ADGRG7: variants seen among roughly 807,000 people sequenced by gnomAD.
ADGRG7 encodes G-protein coupled receptor 128.
In ADGRG7, 82 loss-of-function variants were observed where a neutral mutation model predicts 88.6. That is an observed-to-expected ratio of 0.93 (90% CI 0.77 to 1.11). The LOEUF is 1.11. Ranked by LOEUF, ADGRG7 falls within the 50% of genes most tolerant of loss-of-function variation. The pLI is 0.00. For synonymous variants in ADGRG7, 381 were observed against 345.2 expected, an observed-to-expected ratio of 1.10 and a Z score of -1.15; for missense variants, 945 against 953.4, an observed-to-expected ratio of 0.99 and a Z score of 0.12.
intron 5 of ADGRG7, among the ~76,000 whole-genome samples, chr3:100,636,542 C>A (rs1707544411): frequency 6.6e-6 from 1 of 152,042 alleles, no homozygotes; most frequent in African/African-American, 2.4e-5. Flanking sequence ...TCAAACAGGG[C>A]TACAAACCAC....
intron 15 of ADGRG7, among the ~76,000 whole-genome samples, chr3:100,673,019 T>TG (rs2094960611): frequency 6.6e-6 from 1 of 152,080 alleles, no homozygotes; most frequent in African/African-American, 2.4e-5. Flanking sequence ...TGAAATTTTT[T>TG]TTGTGTGTGT....
intron 14 of ADGRG7, among the ~76,000 whole-genome samples, chr3:100,661,187 A>G (rs2094944861): frequency 6.6e-6 from 1 of 152,020 alleles, no homozygotes; most frequent in Admixed American, 6.6e-5. Context: ...AAACACATAT[A>G]CTCTACCCTC....
intron 1 of ADGRG7, among the ~76,000 whole-genome samples, chr3:100,615,412 T>C (rs1676345): frequency 0.31 from 47,479 of 152,080 alleles, 7,812 homozygotes; most frequent in Non-Finnish European, 0.35. Flanking sequence ...AAGTGTGTAG[T>C]ACAAGGTGTT....
At chr3:100,646,515 T>A (rs1415778167) in intron 9 of ADGRG7, 54 bp from the exon 10 acceptor site, 5 of 1,440,026 alleles carry the variant, frequency 3.5e-6, no homozygotes, top group South Asian at 1.2e-5. Flanking sequence ...TGATTTTTTT[T>A]AACCCAATTA....
chr3:100,646,816 AT>A, intron 10 of ADGRG7, 92 bp downstream of exon 10: 1 of 1,020,430 alleles, frequency 9.8e-7, no homozygotes, highest in Non-Finnish European at 1.5e-6. Context: ...TTGGGATTTA[AT>A]TTACATAGAT....
chr3:100,617,612 C>G (rs1482756444), intron 1 of ADGRG7, among the ~76,000 whole-genome samples: 1 of 152,088 alleles, frequency 6.6e-6, no homozygotes, highest in Non-Finnish European at 1.5e-5. Context: ...CAATGTCTAT[C>G]ATTGTTGGAC....
At chr3:100,692,590 G>A (rs143087450) in intron 15 of ADGRG7, among the ~76,000 whole-genome samples, 3 of 152,108 alleles carry the variant, frequency 2.0e-5, no homozygotes, top group Admixed American at 6.5e-5. Flanking sequence ...ATTGAGTATC[G>A]CAATGTGGCA....
Position 100,695,248 on chromosome 3 carries a change from C to A in ADGRG7, c.*247C>A. 2.4e-6 allele frequency: 1 copy of A among 412,330 alleles called. No individual in the cohort carries two copies. The highest frequency in any genetic ancestry group is 4.3e-6 in the Non-Finnish European group (1 of 232,564). 25.5% of individuals were successfully genotyped at this position (412,330 alleles called of 1,614,324 possible). A position where few individuals can be genotyped will look rare whatever the true frequency, so the allele number is the denominator to read the frequency against. On this transcript the variant is annotated 3_prime_UTR_variant, in exon 16 of 16. Transcript: ENST00000273352. ...ACAACATACAAGAGTACCATTGTTC[C>A]TTATATCGTTAAATCTTTGTGACAC... is the stretch of plus-strand genomic sequence containing the variant.
chr3:100,610,889 G>A (rs149069942), intron 1 of ADGRG7, among the ~76,000 whole-genome samples: 1 of 152,304 alleles, frequency 6.6e-6, no homozygotes, highest in Non-Finnish European at 1.5e-5. Context: ...GCTAGCAGGA[G>A]CATGGAGCAT....
At chr3:100,623,813 T>A (rs767262680) in intron 1 of ADGRG7, among the ~76,000 whole-genome samples, 5 of 152,202 alleles carry the variant, frequency 3.3e-5, no homozygotes, top group Non-Finnish European at 7.3e-5. Flanking sequence ...TGGTTTTCTG[T>A]TCCTGTGTTA....
At chr3:100,657,705 T>C (rs1454016075) in intron 13 of ADGRG7, among the ~76,000 whole-genome samples, 1 of 152,202 alleles carries the variant, frequency 6.6e-6, no homozygotes, top group Non-Finnish European at 1.5e-5. Flanking sequence ...TCCATAGCTA[T>C]TTGTCAGATC....
At chr3:100,633,420 G>A in intron 4 of ADGRG7, 43 bp downstream of exon 4, 1 of 1,117,700 alleles carries the variant, frequency 8.9e-7, no homozygotes, top group Middle Eastern at 2.0e-4. Context: ...AAGAAGTTCT[G>A]ATTCCGTGCA....
rs7647983 is a variant in ADGRG7 at position 100,659,898 on chromosome 3, G to A, written c.1979+55G>A. On this transcript the variant is annotated intron_variant, in intron 14 of 15. Coordinates refer to ENST00000273352, the MANE Select transcript of ADGRG7 (RefSeq NM_032787.3). ...AGGCAAGGCTCATCCAGCACTTAAC[G>A]CAGCACCATAACACATCCACAGTTT... 8,752 of 1,534,936 alleles carry A rather than the reference G, an allele frequency of 5.7e-3. 49 individuals carry two copies. The highest frequency in any genetic ancestry group is 0.019 in the African/African-American group (1,363 of 73,256).
chr3:100,682,333 C>T (rs1419668372), intron 15 of ADGRG7, among the ~76,000 whole-genome samples: 3 of 152,188 alleles, frequency 2.0e-5, no homozygotes, highest in Non-Finnish European at 4.4e-5. Context: ...GGGAGCCAGG[C>T]CCGAGATGTA....
chr3:100,624,051 C>A (rs1576313779), intron 1 of ADGRG7, among the ~76,000 whole-genome samples: 2 of 151,608 alleles, frequency 1.3e-5, no homozygotes, highest in East Asian at 3.9e-4. Flanking sequence ...TGAGTATATA[C>A]CCACTAACTG....
chr3:100,637,334 A>C lies in ADGRG7; in HGVS notation c.630A>C (p.Gln210His). 6.2e-7 allele frequency: 1 copy of C among 1,613,724 alleles called. No individual in the cohort carries two copies. Residue 210 changes from glutamine (Q) to histidine (H), a missense_variant, in exon 6 of 16, where the codon CAA becomes CAC. Transcript: ENST00000273352. The stretch of plus-strand genomic sequence containing the variant: ...AAGTTGCCATAGTAACAGTGAGTCA[A>C]CTCCTAGATGCCAGTGAAGATGCTT... Reference protein sequence around the residue: ...AKKVAIVTVSQLLDASEDAFQ... With the variant: ...AKKVAIVTVSHLLDASEDAFQ...
intron 13 of ADGRG7, among the ~76,000 whole-genome samples, chr3:100,658,496 A>C (rs1336420942): frequency 6.6e-6 from 1 of 152,128 alleles, no homozygotes; most frequent in Non-Finnish European, 1.5e-5. Flanking sequence ...GCTCCTACAT[A>C]ATTTGTATCT....
chr3:100,617,057 A>C (rs569847729), intron 1 of ADGRG7, among the ~76,000 whole-genome samples: 1 of 152,264 alleles, frequency 6.6e-6, no homozygotes, highest in South Asian at 2.1e-4. Flanking sequence ...AATAACTAAA[A>C]AGTTTTCTTG....
chr3:100,644,672 A>G (rs1278425167), intron 8 of ADGRG7, among the ~76,000 whole-genome samples: 5 of 151,446 alleles, frequency 3.3e-5, no homozygotes, highest in Admixed American at 1.3e-4. Flanking sequence ...GGACTATAGG[A>G]GCCCTGCTAA....
Sources: allele counts gnomAD v4.1 joint callset (sites outside exome capture counted in the v4.1 genomes callset), GRCh38; gene constraint gnomAD v4.1.1; transcripts MANE v1.5; gene names NCBI Gene and HGNC (gene_info 2026-07-23, HGNC 2026-07-21).